The following ACSM1 variants were observed in gnomAD, a reference collection of about 807,000 sequenced individuals.
The protein encoded by ACSM1 is acyl-coenzyme A synthetase ACSM1, mitochondrial.
A neutral mutation model predicts 75.8 loss-of-function variants in ACSM1; 79 were observed. The ratio of observed to expected loss-of-function variants is 1.04; its 90% confidence interval spans 0.87 to 1.26. The LOEUF (loss-of-function observed/expected upper bound fraction) is 1.26, where lower values mean the gene tolerates loss of function less well. Among genes scored for constraint, ACSM1 ranks in the 50% most tolerant of loss-of-function variants. The pLI, the probability that ACSM1 is intolerant of heterozygous loss-of-function variation, is 0.00. For missense variants in ACSM1, 676 were observed against 720.1 expected, an observed-to-expected ratio of 0.94 and a Z score of 0.70; for synonymous variants, 279 against 265.8, an observed-to-expected ratio of 1.05 and a Z score of -0.48.
chr16:20,683,294 T>TTAG (rs2079483829), intron 3 of ACSM1, among the ~76,000 whole-genome samples: 4 of 151,868 alleles, frequency 2.6e-5, no homozygotes, highest in Admixed American at 1.3e-4. Flanking sequence ...TTTTTTATTA[T>TTAG]TATTATTATT....
intron 10 of ACSM1, among the ~76,000 whole-genome samples, chr16:20,635,198 T>C (rs1226199110): frequency 1.3e-5 from 2 of 152,042 alleles, no homozygotes; most frequent in Non-Finnish European, 2.9e-5. Flanking sequence ...AGTTTGAAAG[T>C]AGTCTGGGCA....
At chr16:20,688,422 A>G (rs1013432772) in intron 2 of ACSM1, among the ~76,000 whole-genome samples, 1 of 152,178 alleles carries the variant, frequency 6.6e-6, no homozygotes, top group African/African-American at 2.4e-5. Context: ...CCCAAATTTG[A>G]GACAATGCAT....
At chr16:20,643,020 A>G (rs1198331750) in intron 7 of ACSM1, among the ~76,000 whole-genome samples, 1 of 152,182 alleles carries the variant, frequency 6.6e-6, no homozygotes, top group Admixed American at 6.5e-5. Flanking sequence ...TCACTTTGAG[A>G]GTTCTGCTCA....
At chr16:20,649,586 C>T (rs2018538404) in intron 7 of ACSM1, among the ~76,000 whole-genome samples, 1 of 152,134 alleles carries the variant, frequency 6.6e-6, no homozygotes, top group Non-Finnish European at 1.5e-5. Context: ...TGACAGATTC[C>T]TCTGCACAAT....
chr16:20,657,022 T>C (rs908266100), intron 7 of ACSM1, among the ~76,000 whole-genome samples: 2 of 152,062 alleles, frequency 1.3e-5, no homozygotes, highest in African/African-American at 4.8e-5. Context: ...TTAAAAAATA[T>C]ATATATTTAC....
At chr16:20,677,258 C>T (rs2020344900) in intron 4 of ACSM1, among the ~76,000 whole-genome samples, 1 of 151,848 alleles carries the variant, frequency 6.6e-6, no homozygotes, top group African/African-American at 2.4e-5. Context: ...ACTCAGGCCC[C>T]AGCTTTAGGA....
At chr16:20,637,562 T>G in intron 8 of ACSM1, 111 bp from the exon 9 acceptor site, 1 of 976,332 alleles carries the variant, frequency 1.0e-6, no homozygotes, top group Non-Finnish European at 1.6e-6. Context: ...TTCCTCTCAA[T>G]GGATGCTGCC....
At chr16:20,625,192 T>G (rs149961640) in intron 12 of ACSM1, among the ~76,000 whole-genome samples, 1 of 152,164 alleles carries the variant, frequency 6.6e-6, no homozygotes, top group Admixed American at 6.5e-5. Context: ...ATTACTACAT[T>G]GTGTGAGAGT....
intron 9 of ACSM1, 48 bp downstream of exon 9, chr16:20,637,322 AC>A (rs1461391286): frequency 6.6e-7 from 1 of 1,509,002 alleles, no homozygotes; most frequent in East Asian, 2.3e-5. Context: ...AAATTGTCCA[AC>A]CCCCGCTGAG....
chr16:20,664,888 T>C (rs1261462599), intron 6 of ACSM1, among the ~76,000 whole-genome samples: 1 of 152,128 alleles, frequency 6.6e-6, no homozygotes, highest in African/African-American at 2.4e-5. Flanking sequence ...ATTAAACAAT[T>C]TTCTCCTGAA....
chr16:20,688,558 T>A (rs1311586293), intron 2 of ACSM1, among the ~76,000 whole-genome samples: 1 of 152,076 alleles, frequency 6.6e-6, no homozygotes, highest in Non-Finnish European at 1.5e-5. Flanking sequence ...CAAGAGATTC[T>A]CAATAAGATT....
intron 7 of ACSM1, among the ~76,000 whole-genome samples, chr16:20,654,006 A>T (rs1334622053): frequency 2.6e-5 from 4 of 152,214 alleles, no homozygotes; most frequent in African/African-American, 9.7e-5. Flanking sequence ...TTCAAACGAT[A>T]CCACAAGGCT....
intron 7 of ACSM1, among the ~76,000 whole-genome samples, chr16:20,661,481 G>T (rs544260377): frequency 6.6e-6 from 1 of 152,076 alleles, no homozygotes; most frequent in Non-Finnish European, 1.5e-5. Flanking sequence ...TTGGTGAGTG[G>T]GTTACACAGA....
At chr16:20,653,727 A>G (rs954164703) in intron 7 of ACSM1, among the ~76,000 whole-genome samples, 10 of 152,226 alleles carry the variant, frequency 6.6e-5, no homozygotes, top group African/African-American at 1.2e-4. Context: ...AAGGAGAACT[A>G]TAAACCACTG....
intron 4 of ACSM1, among the ~76,000 whole-genome samples, chr16:20,673,351 A>G (rs147212540): frequency 1.3e-5 from 2 of 152,224 alleles, no homozygotes; most frequent in African/African-American, 4.8e-5. Context: ...TTGCTGTGAA[A>G]TGGTATCATA....
intron 6 of ACSM1, among the ~76,000 whole-genome samples, chr16:20,665,521 C>G (rs1029811817): frequency 5.3e-5 from 8 of 152,082 alleles, no homozygotes; most frequent in East Asian, 3.9e-4. Context: ...CCAAAAAGCC[C>G]TGGACAAGAT....
Position 20,671,440 on chromosome 16 carries a change from G to GACACACAC in ACSM1, c.752+83_752+90dup, listed in dbSNP as rs55913255. 1,270 of 970,724 alleles carry GACACACAC rather than the reference G, an allele frequency of 1.3e-3. 9 individuals carry two copies. The African/African-American group carries it at 0.017, about 13-fold the overall frequency. The allele number at this position is 970,724 out of a possible 1,614,324, so 60.1% of individuals were successfully genotyped here. A position where few individuals can be genotyped will look rare whatever the true frequency, so the allele number is the denominator to read the frequency against. The stretch of plus-strand genomic sequence containing the variant: ...CTTCTACTTCCAGTTCCTTTCCCAA[G>GACACACAC]ACACACACACACACACACACACACA... On this transcript the variant is annotated intron_variant, in intron 5 of 13. Coordinates refer to ENST00000520010, the MANE Select transcript of ACSM1 (RefSeq NM_001318890.3).
At chr16:20,642,025 A>G (rs918338837) in intron 7 of ACSM1, among the ~76,000 whole-genome samples, 5 of 152,246 alleles carry the variant, frequency 3.3e-5, no homozygotes, top group Non-Finnish European at 7.3e-5. Context: ...ATCACTCTTT[A>G]GTGCAGTGAA....
Position 20,682,551 on chromosome 16 carries a change from A to C in ACSM1, c.404-88T>G. 2 of 1,015,066 alleles carry C rather than the reference A, an allele frequency of 2.0e-6. 1 individual carries two copies. Among genetic ancestry groups the C allele is most frequent in the South Asian group, 2.8e-5 (2 of 71,108 alleles). The allele number at this position is 1,015,066 out of a possible 1,614,324, so 62.9% of individuals were successfully genotyped here. On this transcript the variant is annotated intron_variant, in intron 3 of 13. Transcript: ENST00000520010. ...GGCTTGTCTGCATCGAAATACCCTA[A>C]CTTCTTGTTATGTAAAGTACAGGCC... is the stretch of plus-strand genomic sequence containing the variant.
Sources: allele counts gnomAD v4.1 joint callset (sites outside exome capture counted in the v4.1 genomes callset), GRCh38; gene constraint gnomAD v4.1.1; transcripts MANE v1.5; gene names NCBI Gene and HGNC (gene_info 2026-07-23, HGNC 2026-07-21).